The following ARHGAP29 variants were observed in gnomAD, a reference collection of about 807,000 sequenced individuals.
ARHGAP29 encodes the protein rho GTPase-activating protein 29.
ARHGAP29 carries 43 observed loss-of-function variants against 122.6 expected under a neutral mutation model. The observed-to-expected ratio is 0.35, with a 90% CI of 0.27 to 0.45. The LOEUF (loss-of-function observed/expected upper bound fraction) is 0.45. Ranked by LOEUF, ARHGAP29 falls within the 20% of genes least tolerant of loss-of-function variation. The pLI, the probability that ARHGAP29 is intolerant of heterozygous loss-of-function variation, is 1.00. For missense variants in ARHGAP29, 1,303 were observed against 1,477.2 expected (o/e 0.88, Z 1.93); for synonymous variants, 506 against 497.1 (o/e 1.02, Z -0.24).
At chr1:94,301,399 C>T in the ARHGAP29 span, among the ~76,000 whole-genome samples, 3 of 152,166 alleles carry the variant, frequency 2.0e-5, no homozygotes, top group Non-Finnish European at 2.9e-5. Flanking sequence ...AGATATTGCT[C>T]AGGACTCCAC....
the ARHGAP29 span, among the ~76,000 whole-genome samples, chr1:94,285,261 T>C: frequency 5.9e-5 from 9 of 151,908 alleles, no homozygotes; most frequent in African/African-American, 1.7e-4. Context: ...CAGTCATGAG[T>C]TTCAGTCATT....
the ARHGAP29 span, among the ~76,000 whole-genome samples, chr1:94,289,593 G>A: frequency 7.9e-5 from 12 of 152,284 alleles, no homozygotes; most frequent in East Asian, 1.9e-3. Flanking sequence ...AATGCTTCCA[G>A]TTTTTGCCCA....
chr1:94,268,790 G>A (rs1266214080), intron 1 of ARHGAP29, among the ~76,000 whole-genome samples: 1 of 150,372 alleles, frequency 6.7e-6, no homozygotes, highest in Non-Finnish European at 1.5e-5. Context: ...GGCTCAAGAA[G>A]ATATATATAT....
At chr1:94,183,961 G>A (rs908183321) in intron 19 of ARHGAP29, among the ~76,000 whole-genome samples, 190 bp downstream of exon 19, 1 of 152,038 alleles carries the variant, frequency 6.6e-6, no homozygotes, top group Non-Finnish European at 1.5e-5. Flanking sequence ...TGGGAGATGA[G>A]TTTGTTTTTA....
At chr1:94,221,807 A>G (rs1336228983) in intron 2 of ARHGAP29, among the ~76,000 whole-genome samples, 1 of 151,674 alleles carries the variant, frequency 6.6e-6, no homozygotes, top group South Asian at 2.1e-4. Context: ...AAGAAATGAC[A>G]CTCAGCAGCA....
At chr1:94,296,701 C>T in the ARHGAP29 span, among the ~76,000 whole-genome samples, 1 of 152,102 alleles carries the variant, frequency 6.6e-6, no homozygotes, top group Non-Finnish European at 1.5e-5. Flanking sequence ...TGGCCTCCCC[C>T]AACACAGAGC....
At chr1:94,184,382 A>C (rs966058152) in intron 18 of ARHGAP29, 94 bp from the exon 19 acceptor site, 9 of 882,462 alleles carry the variant, frequency 1.0e-5, no homozygotes, top group Middle Eastern at 7.0e-4. Context: ...CAATCTTTTC[A>C]CTCTATTTCA....
At chr1:94,213,599 AC>A (rs1651788557) in intron 3 of ARHGAP29, among the ~76,000 whole-genome samples, 1 of 152,194 alleles carries the variant, frequency 6.6e-6, no homozygotes, top group South Asian at 2.1e-4. Flanking sequence ...GTTCCAATAA[AC>A]CTTTATTTAC....
At chr1:94,191,694 T>G (rs545247964) in intron 12 of ARHGAP29, 1 of 152,310 alleles carries the variant, frequency 6.6e-6, no homozygotes, top group Admixed American at 6.5e-5. Flanking sequence ...TTGAAAAAGT[T>G]AATGTGCAAA....
intron 7 of ARHGAP29, 47 bp from the exon 8 acceptor site, chr1:94,204,041 T>TC: frequency 4.1e-6 from 6 of 1,470,876 alleles, no homozygotes; most frequent in South Asian, 1.2e-5. Flanking sequence ...AATTTATTTT[T>TC]CCCCCTGTAT....
intron 2 of ARHGAP29, among the ~76,000 whole-genome samples, chr1:94,227,304 T>G (rs778860052): frequency 1.1e-4 from 17 of 151,674 alleles, no homozygotes; most frequent in Non-Finnish European, 2.1e-4. Context: ...GATACACTCT[T>G]AAATTAGAAA....
intron 1 of ARHGAP29, chr1:94,249,344 A>G (rs1210151374): frequency 6.6e-6 from 1 of 152,252 alleles, no homozygotes; most frequent in African/African-American, 2.4e-5. Flanking sequence ...TTGTTATTTT[A>G]TAATTACAGT....
intron 1 of ARHGAP29, among the ~76,000 whole-genome samples, chr1:94,233,163 G>T (rs1653029956): frequency 6.6e-6 from 1 of 151,704 alleles, no homozygotes; most frequent in Non-Finnish European, 1.5e-5. Context: ...ATGTTGCCCA[G>T]GTTGGTCTCA....
Position 94,170,231 on chromosome 1 carries a change from G to T in ARHGAP29, c.*3638C>A, listed in dbSNP as rs1246571422. 2.0e-5 allele frequency among the ~76,000 whole-genome samples: 3 copies of T among 152,192 alleles called. No individual in the cohort carries two copies. The highest frequency in any genetic ancestry group is 2.9e-5 in the Non-Finnish European group (2 of 68,012). The stretch of plus-strand genomic sequence containing the variant: ...AAGTGACCAAAATTAATACTATCAG[G>T]TATAAGACAAATTGACATTGTGTGC... On this transcript the variant is annotated 3_prime_UTR_variant, in exon 23 of 23. Transcript: ENST00000260526.
At chr1:94,186,395 C>T in intron 16 of ARHGAP29, 104 bp downstream of exon 16, 1 of 772,452 alleles carries the variant, frequency 1.3e-6, no homozygotes, top group Non-Finnish European at 2.0e-6. Flanking sequence ...TTGTTTAATA[C>T]ACAAAAAAGT....
intron 20 of ARHGAP29, 75 bp downstream of exon 20, chr1:94,179,650 G>T: frequency 4.7e-6 from 4 of 856,280 alleles, no homozygotes; most frequent in Non-Finnish European, 5.3e-6. Flanking sequence ...TTGTTATGTG[G>T]ATTTTACCAC....
At chr1:94,260,488 A>G (rs1168994431) in intron 1 of ARHGAP29, among the ~76,000 whole-genome samples, 10 of 152,302 alleles carry the variant, frequency 6.6e-5, no homozygotes, top group South Asian at 4.1e-4. Context: ...ATCTGGTCCA[A>G]GAGCAGCTCG....
chr1:94,298,921 T>C, the ARHGAP29 span, among the ~76,000 whole-genome samples: 1 of 152,230 alleles, frequency 6.6e-6, no homozygotes, highest in Non-Finnish European at 1.5e-5. Context: ...CTAGTTTGGA[T>C]AGAACACAAG....
chr1:94,196,494 C>A (rs1650489691), intron 12 of ARHGAP29, among the ~76,000 whole-genome samples: 1 of 151,680 alleles, frequency 6.6e-6, no homozygotes, highest in South Asian at 2.1e-4. Context: ...ATCTCCTGAC[C>A]TCGTGATCCG....
Sources: gnomAD v4.1 joint callset for allele counts (sites outside exome capture counted in the v4.1 genomes callset) on GRCh38, gnomAD v4.1.1 for gene constraint, MANE v1.5 for transcripts, NCBI Gene and HGNC (gene_info 2026-07-23, HGNC 2026-07-21) for gene names.